Variants in C9 observed in about 807,000 individuals in gnomAD.
C9 encodes the protein complement C9.
A neutral mutation model predicts 65.4 loss-of-function variants in C9; 63 were observed. The observed-to-expected ratio is 0.96, with a 90% confidence interval of 0.79 to 1.19. C9 has a LOEUF of 1.19. Among genes scored for constraint, C9 ranks in the 50% most tolerant of loss-of-function variants. C9 has a pLI of 0.00. For missense variants in C9, 744 were observed against 670.1 expected, an observed-to-expected ratio of 1.11 and a Z score of -1.22; for synonymous variants, 229 against 227.9, an observed-to-expected ratio of 1.00 and a Z score of -0.04.
At position 39,341,677 on chromosome 5, in the gene C9, G is replaced by T. The variant is rs1002887256; in HGVS notation, c.207C>A (p.Val69=). 1.9e-6 allele frequency: 3 copies of T among 1,613,958 alleles called. No homozygotes were observed. The highest frequency in any genetic ancestry group is 1.3e-5 in the African/African-American group (1 of 74,904). Residue 69 remains valine (V), a synonymous_variant, in exon 3 of 11, where the codon GTC becomes GTA. Transcript: ENST00000263408. ...ATCTTTTCCCATTAAATTGTCCAAA[G>T]ACCTCAATGCTTCTTGAACGAAACT... ...RQMFRSRSIE[V]FGQFNGKRCT...
intron 5 of C9, among the ~76,000 whole-genome samples, chr5:39,319,149 T>G (rs1753624797): frequency 6.6e-6 from 1 of 152,228 alleles, no homozygotes; most frequent in African/African-American, 2.4e-5. Context: ...ATTTCAAGTC[T>G]TACCTGAAAC....
At chr5:39,359,102 G>GTGTGTGTGTATA (rs1407613505) in intron 1 of C9, among the ~76,000 whole-genome samples, 12 of 103,630 alleles carry the variant, frequency 1.2e-4, no homozygotes, top group Non-Finnish European at 1.9e-4. Flanking sequence ...GTGTGTGTGT[G>GTGTGTGTGTATA]TATATATATA....
At chr5:39,328,162 C>T (rs1753783867) in intron 5 of C9, among the ~76,000 whole-genome samples, 1 of 152,126 alleles carries the variant, frequency 6.6e-6, no homozygotes. Flanking sequence ...TAACTTCCTA[C>T]TGAGAGAATA....
intron 1 of C9, among the ~76,000 whole-genome samples, chr5:39,359,604 A>C (rs1314173022): frequency 6.6e-6 from 1 of 152,128 alleles, no homozygotes; most frequent in Admixed American, 6.5e-5. Flanking sequence ...AGATTGATTC[A>C]GTAAAAGGGA....
chr5:39,318,282 A>G (rs1753607195), intron 5 of C9, among the ~76,000 whole-genome samples: 1 of 152,152 alleles, frequency 6.6e-6, no homozygotes. Context: ...ATATAGGATC[A>G]TGTCATCTGG....
Position 39,285,248 on chromosome 5 carries a change from T to A in C9, c.1646-15A>T. The stretch of plus-strand genomic sequence containing the variant: ...GGCTGGCAATCCTAGAGAAAACAAA[T>A]AAGTATCAAATCTTAATCATCAATA... On this transcript the variant is annotated splice_polypyrimidine_tract_variant and intron_variant, in intron 10 of 10. Transcript: ENST00000263408. 1 of 1,608,238 alleles carries A rather than the reference T, an allele frequency of 6.2e-7. No individual in the cohort carries two copies. Among genetic ancestry groups the A allele is most frequent in the Non-Finnish European group, 8.5e-7 (1 of 1,174,790 alleles).
At chr5:39,319,218 A>G (rs184819790) in intron 5 of C9, among the ~76,000 whole-genome samples, 2 of 152,340 alleles carry the variant, frequency 1.3e-5, no homozygotes, top group African/African-American at 4.8e-5. Flanking sequence ...TTTTGCTACA[A>G]GCTTTTCTGG....
chr5:39,311,691 A>G (rs1002173260), intron 6 of C9, among the ~76,000 whole-genome samples: 15 of 152,212 alleles, frequency 9.9e-5, no homozygotes, highest in Admixed American at 9.8e-4. Context: ...CTACATATTT[A>G]CCTAATAAAA....
In C9 at chr5:39,284,914, T is replaced by A; in HGVS notation, c.*285A>T. 2.4e-6 allele frequency: 1 copy of A among 414,304 alleles called. No individual in the cohort carries two copies. Among genetic ancestry groups the A allele is most frequent in the Non-Finnish European group, 4.3e-6 (1 of 230,908 alleles). 25.7% of individuals were successfully genotyped at this position (414,304 alleles called of 1,614,324 possible). ...CAACATTCTGTTTTTAATTTAATTT[T>A]GTTTTTTTTTAGAAGAGATTGGCAT... is the stretch of plus-strand genomic sequence containing the variant. On this transcript the variant is annotated 3_prime_UTR_variant, in exon 11 of 11. Transcript: ENST00000263408.
intron 9 of C9, among the ~76,000 whole-genome samples, chr5:39,296,382 A>ATGATCT (rs1753186807): frequency 6.6e-6 from 1 of 151,668 alleles, no homozygotes; most frequent in East Asian, 1.9e-4. Flanking sequence ...ATTTTGCAAA[A>ATGATCT]GAACACACAT....
chr5:39,364,021 G>A (rs1192801681), intron 1 of C9, among the ~76,000 whole-genome samples: 1 of 152,184 alleles, frequency 6.6e-6, no homozygotes, highest in Non-Finnish European at 1.5e-5. Flanking sequence ...CATTGAAGCA[G>A]AGTGAGGGAA....
chr5:39,288,463 T>A (rs1297597608), intron 10 of C9, among the ~76,000 whole-genome samples: 1 of 151,754 alleles, frequency 6.6e-6, no homozygotes, highest in Non-Finnish European at 1.5e-5. Flanking sequence ...AAACCTTCTA[T>A]AAGAATATTT....
Position 39,306,681 on chromosome 5 carries a change from T to C in C9, c.1352A>G (p.Asp451Gly). 2 of 1,613,718 alleles carry C rather than the reference T, an allele frequency of 1.2e-6. No individual in the cohort carries two copies. Among genetic ancestry groups the C allele is most frequent in the South Asian group, 1.1e-5 (1 of 91,074 alleles). Reference protein sequence around the residue: ...KEKLLRGTVIDVTDFVNWASS... With the variant: ...KEKLLRGTVIGVTDFVNWASS... The stretch of plus-strand genomic sequence containing the variant: ...GGCCCAGTTGACAAAGTCAGTCACA[T>C]CAATCACGGTTCCTCGGAGAAGCTT... Residue 451 changes from aspartate to glycine, a missense_variant, in exon 9 of 11, where the codon GAT becomes GGT. By Grantham distance (94) the Asp-to-Gly change is moderately conservative (BLOSUM62 -1). Coordinates refer to ENST00000263408, the MANE Select transcript of C9 (RefSeq NM_001737.5).
chr5:39,306,021 G>T (rs544654132), intron 9 of C9, among the ~76,000 whole-genome samples: 2 of 151,962 alleles, frequency 1.3e-5, no homozygotes, highest in African/African-American at 4.8e-5. Flanking sequence ...AAATTAGCTC[G>T]ATGTGGTGGT....
At chr5:39,325,090 G>T (rs902570542) in intron 5 of C9, among the ~76,000 whole-genome samples, 3 of 152,190 alleles carry the variant, frequency 2.0e-5, no homozygotes, top group African/African-American at 7.2e-5. Context: ...TAAATAGAGA[G>T]TAAGTAGAGA....
chr5:39,345,824 C>G (rs1333125113), intron 1 of C9, among the ~76,000 whole-genome samples: 1 of 152,212 alleles, frequency 6.6e-6, no homozygotes, highest in Non-Finnish European at 1.5e-5. Flanking sequence ...AACTGTCTCT[C>G]AGACCACAGT....
At chr5:39,306,871 C>G in intron 8 of C9, 79 bp from the exon 9 acceptor site, 1 of 950,360 alleles carries the variant, frequency 1.1e-6, no homozygotes, top group South Asian at 1.3e-5. Flanking sequence ...ATATGATAAA[C>G]ATTTATTGAG....
At chr5:39,301,679 A>T (rs1753286554) in intron 9 of C9, among the ~76,000 whole-genome samples, 1 of 151,900 alleles carries the variant, frequency 6.6e-6, no homozygotes, top group African/African-American at 2.4e-5. Context: ...AGTTCAAAAT[A>T]AAAAGTACAT....
At chr5:39,352,830 CTAAGT>C (rs925987964) in intron 1 of C9, among the ~76,000 whole-genome samples, 18 of 148,290 alleles carry the variant, frequency 1.2e-4, no homozygotes, top group African/African-American at 4.7e-4. Flanking sequence ...GTGATGAAGT[CTAAGT>C]TTTTTTTTTT....
Sources: gnomAD v4.1 joint callset for allele counts (sites outside exome capture counted in the v4.1 genomes callset) on GRCh38, gnomAD v4.1.1 for gene constraint, MANE v1.5 for transcripts, NCBI Gene and HGNC (gene_info 2026-07-23, HGNC 2026-07-21) for gene names.